The following ADAMTS9 variants were observed in gnomAD, a reference collection of about 807,000 sequenced individuals.
The protein encoded by ADAMTS9 is ADAM metallopeptidase with thrombospondin type 1 motif 9.
A neutral mutation model predicts 257.1 loss-of-function variants in ADAMTS9; 107 were observed. The ratio of observed to expected loss-of-function variants is 0.42; its 90% CI spans 0.36 to 0.49. The LOEUF is 0.49. Ranked by LOEUF, ADAMTS9 falls within the 20% of genes least tolerant of loss-of-function variation. The pLI, the probability that ADAMTS9 is intolerant of heterozygous loss-of-function variation, is 0.03. For synonymous variants in ADAMTS9, 982 were observed against 880.9 expected, an observed-to-expected ratio of 1.11 and a Z score of -2.03; for missense variants, 2,353 against 2,469.1, an observed-to-expected ratio of 0.95 and a Z score of 1.00.
At chr3:64,660,394 T>C (rs1231467104) in intron 3 of ADAMTS9, among the ~76,000 whole-genome samples, 1 of 152,238 alleles carries the variant, frequency 6.6e-6, no homozygotes, top group Non-Finnish European at 1.5e-5. Flanking sequence ...TTAGTCATTA[T>C]TAAAATACAG....
chr3:64,654,454 C>T lies in ADAMTS9; in HGVS notation c.1215G>A (p.Leu405=), dbSNP rs1446002292. ...RAHDKCDTLG[L]AELGTICDPY... ...GATCACAAATGGTTCCCAGTTCAGC[C>T]AGGCCTATTAGAAGGAAAAAAACCA... Residue 405 remains leucine, a synonymous_variant, in exon 8 of 40, where the codon CTG becomes CTA. Transcript: ENST00000498707. 1.2e-6 allele frequency: 2 copies of T among 1,613,854 alleles called. No individual in the cohort carries two copies. The highest frequency in any genetic ancestry group is 1.7e-6 in the Non-Finnish European group (2 of 1,179,968).
At chr3:64,577,052 G>A (rs2083870656) in intron 28 of ADAMTS9, among the ~76,000 whole-genome samples, 1 of 152,154 alleles carries the variant, frequency 6.6e-6, no homozygotes, top group Admixed American at 6.5e-5. Context: ...ATTAAATATA[G>A]CAGTATATGA....
intron 37 of ADAMTS9, among the ~76,000 whole-genome samples, chr3:64,533,773 A>T (rs1057331986): frequency 1.9e-4 from 29 of 152,200 alleles, no homozygotes; most frequent in Non-Finnish European, 4.0e-4. Flanking sequence ...ACTTCAAAGA[A>T]GAGGCGCTTT....
chr3:64,605,265 A>T (rs1271847199), intron 23 of ADAMTS9, among the ~76,000 whole-genome samples: 7 of 152,218 alleles, frequency 4.6e-5, no homozygotes, highest in Non-Finnish European at 1.0e-4. Flanking sequence ...AGAATAACTT[A>T]AAGGGAAATA....
chr3:64,574,349 A>C (rs1192097407), intron 28 of ADAMTS9, among the ~76,000 whole-genome samples: 2 of 151,952 alleles, frequency 1.3e-5, no homozygotes, highest in East Asian at 1.9e-4. Flanking sequence ...TTTTTTTTGT[A>C]TCGATAAGGA....
In ADAMTS9 at chr3:64,647,948, G is replaced by A; in HGVS notation, c.1702C>T (p.Pro568Ser). The change falls in exon 11 of 40, where the codon CCT becomes TCT. Residue 568 changes from proline to serine, a missense_variant. Transcript: ENST00000498707. ...AACAGGGCATTACTTGCCTTTCCAG[G>A]CTCGCACTCCGTCCCATCGGCCCAG... The part of the protein sequence containing the change: ...TPWADGTECE[P>S]GKHCKYGFCV... The A allele has an allele frequency of 6.2e-7, 1 of 1,613,476 alleles. No homozygotes were observed. The highest frequency in any genetic ancestry group is 1.1e-5 in the South Asian group (1 of 91,008).
chr3:64,633,946 T>G, intron 12 of ADAMTS9, 67 bp from the exon 13 acceptor site: 1 of 1,388,212 alleles, frequency 7.2e-7, no homozygotes, highest in South Asian at 1.3e-5. Flanking sequence ...ACATCACTCC[T>G]TCATTCATGA....
intron 26 of ADAMTS9, among the ~76,000 whole-genome samples, chr3:64,597,474 C>T (rs542486605): frequency 1.3e-5 from 2 of 152,310 alleles, no homozygotes; most frequent in South Asian, 4.1e-4. Context: ...TGAACTCCTT[C>T]AATTACTCCA....
At chr3:64,590,773 T>A (rs2084244760) in intron 28 of ADAMTS9, among the ~76,000 whole-genome samples, 2 of 152,196 alleles carry the variant, frequency 1.3e-5, no homozygotes, top group South Asian at 4.1e-4. Context: ...CAAGCATTAT[T>A]CCAATGCACC....
intron 12 of ADAMTS9, among the ~76,000 whole-genome samples, chr3:64,638,602 A>T (rs7645085): frequency 0.51 from 77,397 of 151,862 alleles, 20,390 homozygotes; most frequent in African/African-American, 0.65. Context: ...AATTGAGATT[A>T]AAAAAATAAA....
At chr3:64,628,585 C>G (rs541552013) in intron 16 of ADAMTS9, among the ~76,000 whole-genome samples, 3 of 152,152 alleles carry the variant, frequency 2.0e-5, no homozygotes, top group Admixed American at 6.5e-5. Flanking sequence ...GATTCCCCCC[C>G]CAAAATAATT....
intron 19 of ADAMTS9, among the ~76,000 whole-genome samples, chr3:64,620,545 C>T (rs1276248182): frequency 2.0e-5 from 3 of 152,180 alleles, no homozygotes; most frequent in Non-Finnish European, 4.4e-5. Context: ...AATAGAAAAG[C>T]TTCAGAATGC....
chr3:64,598,218 T>G (rs2084398645), intron 26 of ADAMTS9, among the ~76,000 whole-genome samples: 1 of 152,158 alleles, frequency 6.6e-6, no homozygotes, highest in African/African-American at 2.4e-5. Context: ...TATTAGTTCC[T>G]CTTGAGAAAA....
At chr3:64,544,103 C>T (rs535872798) in intron 32 of ADAMTS9, among the ~76,000 whole-genome samples, 269 of 152,078 alleles carry the variant, frequency 1.8e-3, no homozygotes, top group African/African-American at 6.0e-3. Context: ...CACTGCTCAA[C>T]GAAATAAAAG....
At chr3:64,643,905 C>T (rs1397325511) in intron 11 of ADAMTS9, among the ~76,000 whole-genome samples, 2 of 152,054 alleles carry the variant, frequency 1.3e-5, no homozygotes, top group African/African-American at 2.4e-5. Context: ...ATATTGGACA[C>T]AGCAGGTCTA....
At chr3:64,568,317 C>G in intron 29 of ADAMTS9, 51 bp downstream of exon 29, 1 of 1,561,798 alleles carries the variant, frequency 6.4e-7, no homozygotes, top group Non-Finnish European at 8.6e-7. Context: ...CTGGGGTCAG[C>G]CACGTGGCCA....
intron 3 of ADAMTS9, among the ~76,000 whole-genome samples, chr3:64,665,248 C>T (rs533589200): frequency 2.0e-5 from 3 of 152,280 alleles, no homozygotes; most frequent in East Asian, 1.9e-4. Context: ...ACTACTTTGG[C>T]GTCGATGCTC....
chr3:64,641,081 T>C (rs538089812), intron 12 of ADAMTS9, among the ~76,000 whole-genome samples: 2 of 152,042 alleles, frequency 1.3e-5, no homozygotes, highest in Non-Finnish European at 2.9e-5. Context: ...GAACACATTA[T>C]TGGTGGGAAA....
At chr3:64,547,680 G>C (rs1475640928) in intron 31 of ADAMTS9, among the ~76,000 whole-genome samples, 6 of 151,834 alleles carry the variant, frequency 4.0e-5, no homozygotes, top group South Asian at 4.2e-4. Flanking sequence ...ACCCAGCTAG[G>C]CTATAGATGT....
Sources: allele counts gnomAD v4.1 joint callset (sites outside exome capture counted in the v4.1 genomes callset), GRCh38; gene constraint gnomAD v4.1.1; transcripts MANE v1.5; gene names NCBI Gene and HGNC (gene_info 2026-07-23, HGNC 2026-07-21).